RBFOX1: variants seen among roughly 807,000 people sequenced by gnomAD.
The protein encoded by RBFOX1 is RNA binding fox-1 homolog 1.
In RBFOX1, 8 loss-of-function variants were observed where a neutral mutation model predicts 57.7. The observed-to-expected ratio is 0.14, with a 90% CI of 0.08 to 0.25. The LOEUF (loss-of-function observed/expected upper bound fraction) is 0.25. RBFOX1 is among the 10% of genes least tolerant of loss of function. The probability of loss-of-function intolerance (pLI) is 1.00; values close to 1 mark genes in which losing one functional copy is unlikely to be tolerated. For missense variants in RBFOX1, 611 were observed against 548.5 expected, an observed-to-expected ratio of 1.11 and a Z score of -1.14; for synonymous variants, 326 against 222.4, an observed-to-expected ratio of 1.47 and a Z score of -4.15.
chr16:7,516,877 G>T lies in RBFOX1; in HGVS notation c.28-1270G>T, dbSNP rs550528165. Among the ~76,000 whole-genome samples the T allele has an allele frequency of 4.0e-5, 6 of 151,576 alleles. No individual in the cohort carries two copies. The East Asian group carries it at 9.7e-4, about 25-fold the overall frequency. Reference sequence around the variant, plus strand: ...TTCTTTCTGTCATCATGTTTTTGCTGCACTCAAATTGCTTTAGAGAAAGAG... The same window carrying T: ...TTCTTTCTGTCATCATGTTTTTGCTTCACTCAAATTGCTTTAGAGAAAGAG... On this transcript the variant is annotated intron_variant, in intron 4 of 15. Transcript: ENST00000550418.
At chr16:7,433,910 A>G (rs922691921) in intron 4 of RBFOX1, among the ~76,000 whole-genome samples, 1 of 152,186 alleles carries the variant, frequency 6.6e-6, no homozygotes, top group African/African-American at 2.4e-5. Context: ...GAGTTCAGAG[A>G]AAGGTGGTAG....
At chr16:6,082,044 G>A (rs1046524388) in intron 1 of RBFOX1, among the ~76,000 whole-genome samples, 4 of 152,102 alleles carry the variant, frequency 2.6e-5, no homozygotes, top group Admixed American at 1.3e-4. Flanking sequence ...GTTTTCAACC[G>A]TATGGCTCTG....
intron 5 of RBFOX1, among the ~76,000 whole-genome samples, chr16:7,527,166 A>G (rs911585528): frequency 2.6e-5 from 4 of 151,964 alleles, no homozygotes; most frequent in Non-Finnish European, 4.4e-5. Flanking sequence ...TACCAGTTCT[A>G]TTTTCCTAAA....
chr16:6,743,034 A>G (rs1385280760), intron 3 of RBFOX1, among the ~76,000 whole-genome samples: 6 of 152,196 alleles, frequency 3.9e-5, no homozygotes, highest in Non-Finnish European at 8.8e-5. Flanking sequence ...TGGGTTACCA[A>G]TGTCACTAGC....
chr16:5,292,462 T>G (rs556080819), intron 1 of RBFOX1, among the ~76,000 whole-genome samples: 1 of 152,242 alleles, frequency 6.6e-6, no homozygotes, highest in South Asian at 2.1e-4. Context: ...ATGTTGTTAA[T>G]CCACAGCTCC....
intron 4 of RBFOX1, among the ~76,000 whole-genome samples, chr16:7,131,176 C>A (rs776160457): frequency 6.6e-6 from 1 of 151,830 alleles, no homozygotes; most frequent in Non-Finnish European, 1.5e-5. Flanking sequence ...GAAACCACAT[C>A]TCTACTAAAA....
At chr16:7,394,483 C>T (rs546716554) in intron 4 of RBFOX1, among the ~76,000 whole-genome samples, 2 of 152,176 alleles carry the variant, frequency 1.3e-5, no homozygotes, top group South Asian at 4.2e-4. Flanking sequence ...AGGGTTGACA[C>T]AAGAGTCAAA....
intron 2 of RBFOX1, among the ~76,000 whole-genome samples, chr16:5,473,325 C>T (rs2069202085): frequency 6.6e-6 from 1 of 152,202 alleles, no homozygotes; most frequent in South Asian, 2.1e-4. Context: ...CCTGACACCT[C>T]ATTACTCCTG....
chr16:5,777,862 A>G (rs993470906), intron 3 of RBFOX1, among the ~76,000 whole-genome samples: 1 of 152,204 alleles, frequency 6.6e-6, no homozygotes, highest in African/African-American at 2.4e-5. Context: ...AGAGATGATG[A>G]GAACCACGAT....
chr16:7,275,180 G>T (rs1315308348), intron 4 of RBFOX1, among the ~76,000 whole-genome samples: 3 of 152,016 alleles, frequency 2.0e-5, no homozygotes, highest in Non-Finnish European at 4.4e-5. Flanking sequence ...GAGGGAGAGA[G>T]GAAGGGAGAA....
At chr16:6,062,962 A>G (rs2095708197) in intron 1 of RBFOX1, among the ~76,000 whole-genome samples, 1 of 152,030 alleles carries the variant, frequency 6.6e-6, no homozygotes. Flanking sequence ...TCTCCAGAAA[A>G]CCCATCTTTG....
At chr16:6,210,653 G>T (rs1360025476) in intron 1 of RBFOX1, among the ~76,000 whole-genome samples, 1 of 152,008 alleles carries the variant, frequency 6.6e-6, no homozygotes, top group Non-Finnish European at 1.5e-5. Context: ...ACCCTGGAAG[G>T]TTGAGGCTGC....
intron 4 of RBFOX1, among the ~76,000 whole-genome samples, chr16:5,990,601 T>C (rs943244488): frequency 6.6e-6 from 1 of 152,128 alleles, no homozygotes; most frequent in Non-Finnish European, 1.5e-5. Flanking sequence ...GGACTATAGC[T>C]TTTTCAGAGA....
intron 4 of RBFOX1, among the ~76,000 whole-genome samples, chr16:7,164,330 C>G (rs181862103): frequency 1.3e-5 from 2 of 152,138 alleles, no homozygotes; most frequent in South Asian, 4.1e-4. Flanking sequence ...ATTCCATGGT[C>G]TGTATATACC....
At chr16:7,512,939 T>A (rs1380957925) in intron 4 of RBFOX1, among the ~76,000 whole-genome samples, 1 of 152,162 alleles carries the variant, frequency 6.6e-6, no homozygotes, top group Non-Finnish European at 1.5e-5. Context: ...AGGTCCATGG[T>A]GTGTGTGATA....
intron 1 of RBFOX1, among the ~76,000 whole-genome samples, chr16:6,135,785 CTTTTTTTTTTTT>C (rs35563303): frequency 2.4e-5 from 2 of 85,034 alleles, no homozygotes; most frequent in Non-Finnish European, 4.5e-5. Context: ...CTCGTTTCGA[CTTTTTTTTTTTT>C]TTTTTTTTTT....
chr16:6,889,297 C>T (rs2064871659), intron 3 of RBFOX1, among the ~76,000 whole-genome samples: 1 of 152,134 alleles, frequency 6.6e-6, no homozygotes, highest in South Asian at 2.1e-4. Flanking sequence ...GAACTGTGAG[C>T]ATAGGTGATG....
intron 3 of RBFOX1, among the ~76,000 whole-genome samples, chr16:6,994,075 C>G (rs565136360): frequency 7.9e-5 from 12 of 152,252 alleles, no homozygotes; most frequent in African/African-American, 2.9e-4. Context: ...CCTTAGTGCA[C>G]TTTAGCTGTT....
At chr16:6,436,491 T>A (rs2153016697) in intron 2 of RBFOX1, among the ~76,000 whole-genome samples, 1 of 149,890 alleles carries the variant, frequency 6.7e-6, no homozygotes, top group East Asian at 2.0e-4. Context: ...TTTGACAGTA[T>A]CCTGCCTGGT....
Sources: gnomAD v4.1 joint callset for allele counts (sites outside exome capture counted in the v4.1 genomes callset) on GRCh38, gnomAD v4.1.1 for gene constraint, MANE v1.5 for transcripts, NCBI Gene and HGNC (gene_info 2026-07-23, HGNC 2026-07-21) for gene names.